The following TOX2 variants were observed in gnomAD, a reference collection of about 807,000 sequenced individuals.
TOX2 encodes TOX high mobility group box family member 2.
Under a neutral mutation model 47.4 loss-of-function variants are expected in TOX2, and 15 were observed. The ratio of observed to expected loss-of-function variants is 0.32; its 90% CI spans 0.21 to 0.49. TOX2 has a LOEUF of 0.49. Among genes scored for constraint, TOX2 ranks in the 20% least tolerant of loss-of-function variants. The pLI is 0.99. For synonymous variants in TOX2, 290 were observed against 296.6 expected, an observed-to-expected ratio of 0.98 and a Z score of 0.23; for missense variants, 622 against 673.1, an observed-to-expected ratio of 0.92 and a Z score of 0.84.
intron 2 of TOX2, among the ~76,000 whole-genome samples, chr20:43,989,463 C>G (rs950117564): frequency 2.0e-5 from 3 of 152,140 alleles, no homozygotes; most frequent in African/African-American, 7.2e-5. Context: ...AATTCATGAG[C>G]TAGGCTTTTT....
intron 1 of TOX2, among the ~76,000 whole-genome samples, chr20:43,932,527 T>G (rs948599470): frequency 6.6e-6 from 1 of 152,200 alleles, no homozygotes; most frequent in Admixed American, 6.5e-5. Context: ...GGTGAACCGC[T>G]TCCCTCCTCA....
At chr20:44,067,983 G>T (rs554739072) in intron 8 of TOX2, among the ~76,000 whole-genome samples, 1 of 152,270 alleles carries the variant, frequency 6.6e-6, no homozygotes, top group African/African-American at 2.4e-5. Flanking sequence ...CACACGGCTG[G>T]TTCCTCTGCT....
At chr20:44,010,905 T>G (rs1424569830) in intron 3 of TOX2, among the ~76,000 whole-genome samples, 1 of 152,166 alleles carries the variant, frequency 6.6e-6, no homozygotes, top group Non-Finnish European at 1.5e-5. Context: ...AGCAGTCTCC[T>G]TGGGCTGAAA....
At chr20:43,994,871 G>A (rs980845505) in intron 2 of TOX2, among the ~76,000 whole-genome samples, 2 of 152,162 alleles carry the variant, frequency 1.3e-5, no homozygotes, top group South Asian at 2.1e-4. Flanking sequence ...CCTGATCCAA[G>A]CATTTCGGGG....
At chr20:43,995,486 C>T (rs1469492649) in intron 2 of TOX2, among the ~76,000 whole-genome samples, 7 of 152,140 alleles carry the variant, frequency 4.6e-5, no homozygotes, top group Non-Finnish European at 8.8e-5. Context: ...AACACTGAAT[C>T]GCACTACAGT....
chr20:44,035,302 C>T (rs1198557216), intron 3 of TOX2, among the ~76,000 whole-genome samples: 1 of 152,236 alleles, frequency 6.6e-6, no homozygotes, highest in Non-Finnish European at 1.5e-5. Context: ...CCCTGCTGGC[C>T]TCTGAAGCCT....
chr20:44,016,897 T>C (rs1230890835), intron 3 of TOX2, among the ~76,000 whole-genome samples: 1 of 152,242 alleles, frequency 6.6e-6, no homozygotes, highest in East Asian at 1.9e-4. Flanking sequence ...ATAAAAATAG[T>C]GTTTTAACGA....
At position 43,914,944 on chromosome 20, in the gene TOX2, C is replaced by A; in HGVS notation, c.53C>A (p.Ala18Asp). The change falls in exon 1 of 9, where the codon GCC becomes GAC. Residue 18 changes from alanine (A) to aspartate (D), a missense_variant. Ala to Asp is a moderately radical substitution (Grantham distance 126). Around this residue, in one of 3 missense-constraint regions of TOX2, gnomAD observed 307 missense variants for 327.3 expected, o/e 0.94. Transcript: ENST00000341197. The surrounding 1 kb of genome is among the most constrained non-coding windows in gnomAD (Gnocchi z 4.5). Reference protein sequence around the residue: ...SAPAVGARPGAEPAGLAHLDY... With the variant: ...SAPAVGARPGDEPAGLAHLDY... ...CCCGCGGTGGGCGCGCGGCCCGGGG[C>A]CGAGCCGGCCGGCCTGGCGCACCTG... 8.0e-7 allele frequency: 1 copy of A among 1,245,264 alleles called. No homozygotes were observed. The allele number at this position is 1,245,264 out of a possible 1,614,324, so 77.1% of individuals were successfully genotyped here. A position where few individuals can be genotyped will look rare whatever the true frequency, so the allele number is the denominator to read the frequency against.
At chr20:44,018,655 G>A (rs566132624) in intron 3 of TOX2, among the ~76,000 whole-genome samples, 2 of 152,142 alleles carry the variant, frequency 1.3e-5, no homozygotes, top group Non-Finnish European at 2.9e-5. Context: ...CTCTCATCTT[G>A]TGGCTTTGTC....
rs78100251 is a variant in TOX2, at chr20:44,006,858, G to T, written c.411+66G>T. ...CAGGGAGGGGGTTGAGAGGGAAGCA[G>T]AAGAATGTTGATGCTTTGATAAGAA... On this transcript the variant is annotated intron_variant, in intron 3 of 8. Coordinates refer to ENST00000341197, the MANE Select transcript of TOX2 (RefSeq NM_001098797.2). 1,846 of 1,539,932 alleles carry T rather than the reference G, an allele frequency of 1.2e-3. 23 individuals are homozygous for T. In the African/African-American group the frequency reaches 0.023, roughly 20 times the overall value.
chr20:44,043,743 A>G (rs1482026731), intron 3 of TOX2, among the ~76,000 whole-genome samples: 2 of 152,254 alleles, frequency 1.3e-5, no homozygotes, highest in African/African-American at 4.8e-5. Flanking sequence ...AGGTAACATC[A>G]TAACTCTCAT....
Position 44,068,844 on chromosome 20 carries a change from C to A in TOX2, c.*158C>A. ...GGGGCTGAGTCTCTTCCTCAACCTCCCACCAGACTCTGCAGAGGCAGCCCA... is the reference window on the plus strand; with the variant it reads ...GGGGCTGAGTCTCTTCCTCAACCTCACACCAGACTCTGCAGAGGCAGCCCA... On this transcript the variant is annotated 3_prime_UTR_variant, in exon 9 of 9. Coordinates refer to ENST00000341197, the MANE Select transcript of TOX2 (RefSeq NM_001098797.2). The A allele has an allele frequency of 1.0e-6, 1 of 1,000,154 alleles. No homozygotes were observed. Among genetic ancestry groups the A allele is most frequent in the Non-Finnish European group, 1.6e-6 (1 of 645,052 alleles). 62.0% of individuals were successfully genotyped at this position (1,000,154 alleles called of 1,614,324 possible). A position where few individuals can be genotyped will look rare whatever the true frequency, so the allele number is the denominator to read the frequency against.
chr20:44,036,740 T>C (rs1043344788), intron 3 of TOX2, among the ~76,000 whole-genome samples: 6 of 152,228 alleles, frequency 3.9e-5, no homozygotes, highest in Non-Finnish European at 5.9e-5. Context: ...AGAATTGAGT[T>C]GAGTAGTGAT....
intron 1 of TOX2, among the ~76,000 whole-genome samples, chr20:43,958,994 C>T (rs1487493786): frequency 1.3e-5 from 2 of 152,308 alleles, no homozygotes; most frequent in East Asian, 1.9e-4. Context: ...AGAGAAAAGG[C>T]CTCTTAGGAC....
chr20:43,967,966 T>G (rs1306434216), intron 1 of TOX2, among the ~76,000 whole-genome samples: 2 of 151,890 alleles, frequency 1.3e-5, no homozygotes, highest in Non-Finnish European at 2.9e-5. Flanking sequence ...ATGTACCCCA[T>G]AAAAAAAACT....
intron 1 of TOX2, among the ~76,000 whole-genome samples, chr20:43,932,543 C>CA (rs1431849846): frequency 1.3e-5 from 2 of 152,218 alleles, no homozygotes; most frequent in Non-Finnish European, 2.9e-5. Context: ...CCTCAGGCGA[C>CA]AGGCAGAGTT....
At chr20:43,939,022 G>A (rs542101620) in intron 1 of TOX2, among the ~76,000 whole-genome samples, 82 of 152,272 alleles carry the variant, frequency 5.4e-4, no homozygotes, top group African/African-American at 1.8e-3. Flanking sequence ...TCCTGGAGTC[G>A]CTGGCTTCAC....
rs1363381027 is a variant in TOX2, at chr20:44,048,406, ATATATATG to A, written c.412-2895_412-2888del. On this transcript the variant is annotated intron_variant, in intron 3 of 8. Coordinates refer to ENST00000341197, the MANE Select transcript of TOX2 (RefSeq NM_001098797.2). ...AATGAATTTATATATATATATATAT[ATATATATG>A]TATAATTTACCAAAACTGACTCGAG... is the stretch of plus-strand genomic sequence containing the variant. 8.0e-4 allele frequency among the ~76,000 whole-genome samples: 107 copies of A among 133,622 alleles called. 8 individuals are homozygous for A. Among genetic ancestry groups the A allele is most frequent in the Admixed American group, 1.6e-3 (22 of 13,470 alleles). 87.7% of individuals were successfully genotyped at this position (133,622 alleles called of 152,430 possible).
Position 43,915,080 on chromosome 20 carries a change from C to A in TOX2, c.99+90C>A. The A allele has an allele frequency of 1.3e-6, 1 of 741,056 alleles. No individual in the cohort carries two copies. Among genetic ancestry groups the A allele is most frequent in the Non-Finnish European group, 1.7e-6 (1 of 580,620 alleles). The allele number at this position is 741,056 out of a possible 1,614,324, so 45.9% of individuals were successfully genotyped here. A position where few individuals can be genotyped will look rare whatever the true frequency, so the allele number is the denominator to read the frequency against. On this transcript the variant is annotated intron_variant, in intron 1 of 8. Coordinates refer to ENST00000341197, the MANE Select transcript of TOX2 (RefSeq NM_001098797.2). This position sits in a 1 kb window ranked among gnomAD's most constrained non-coding sequence, Gnocchi z 7.1. ...AGGCGCTCCCGGGGTCACACGGGGC[C>A]GCGCACATCAGCCCCGCCGACGGGC...
Sources: allele counts gnomAD v4.1 joint callset (sites outside exome capture counted in the v4.1 genomes callset), GRCh38; gene constraint gnomAD v4.1.1; regional missense constraint gnomAD v4.1.1; non-coding constraint Gnocchi (gnomAD v3.1); transcripts MANE v1.5; gene names NCBI Gene and HGNC (gene_info 2026-07-23, HGNC 2026-07-21).